NRXN3: variants seen among roughly 807,000 people sequenced by gnomAD.
NRXN3 encodes the protein neurexin III.
Under a neutral mutation model 137.6 loss-of-function variants are expected in NRXN3, and 32 were observed. The observed-to-expected ratio is 0.23, with a 90% CI of 0.18 to 0.31. The LOEUF is 0.31. Ranked by LOEUF, NRXN3 falls within the 10% of genes least tolerant of loss-of-function variation. The pLI is 1.00. For missense variants in NRXN3, 1,574 were observed against 2,062.5 expected (o/e 0.76, Z 4.59); for synonymous variants, 798 against 784.5 (o/e 1.02, Z -0.29).
chr14:79,212,196 C>T (rs1451555296), intron 15 of NRXN3, among the ~76,000 whole-genome samples: 5 of 152,178 alleles, frequency 3.3e-5, no homozygotes, highest in East Asian at 3.9e-4. Flanking sequence ...GTTTGGGCTG[C>T]GGCTTTAGTT....
At chr14:79,051,258 A>G (rs1568119114) in intron 15 of NRXN3, among the ~76,000 whole-genome samples, 1 of 152,172 alleles carries the variant, frequency 6.6e-6, no homozygotes, top group South Asian at 2.1e-4. Context: ...ATGAAAACCT[A>G]TGAGTGACTA....
intron 15 of NRXN3, among the ~76,000 whole-genome samples, chr14:79,192,765 A>ATTTTTTTTT (rs961910712): frequency 1.7e-5 from 2 of 115,300 alleles, no homozygotes; most frequent in African/African-American, 6.7e-5. Flanking sequence ...AATTCTCTTA[A>ATTTTTTTTT]TTTTTTTTTT....
At chr14:79,797,677 A>T (rs931145070) in intron 19 of NRXN3, among the ~76,000 whole-genome samples, 1 of 152,118 alleles carries the variant, frequency 6.6e-6, no homozygotes, top group African/African-American at 2.4e-5. Flanking sequence ...ATCTTACCAC[A>T]CTGTGAGGTT....
chr14:79,851,968 C>A (rs2141739006), intron 20 of NRXN3, among the ~76,000 whole-genome samples: 1 of 144,070 alleles, frequency 6.9e-6, no homozygotes, highest in South Asian at 2.3e-4. Context: ...AGGGGTTTTG[C>A]CATTCTTACA....
chr14:79,843,299 A>G (rs1435460120), intron 20 of NRXN3, among the ~76,000 whole-genome samples: 1 of 152,190 alleles, frequency 6.6e-6, no homozygotes, highest in Non-Finnish European at 1.5e-5. Flanking sequence ...AAACAGCACT[A>G]TATCTTTTAA....
chr14:78,238,698 C>A (rs2066675663), intron 1 of NRXN3, among the ~76,000 whole-genome samples: 1 of 152,226 alleles, frequency 6.6e-6, no homozygotes, highest in African/African-American at 2.4e-5. Flanking sequence ...GTGATGTTAT[C>A]ACTTCTGAAA....
chr14:78,989,167 A>C (rs565243745), intron 15 of NRXN3, among the ~76,000 whole-genome samples: 1 of 152,314 alleles, frequency 6.6e-6, no homozygotes, highest in Admixed American at 6.5e-5. Flanking sequence ...ATCCAGACTC[A>C]TTTGACCTCT....
intron 15 of NRXN3, among the ~76,000 whole-genome samples, chr14:79,257,987 CTT>C (rs1286748386): frequency 2.0e-5 from 3 of 151,892 alleles, no homozygotes; most frequent in African/African-American, 7.3e-5. Flanking sequence ...TTTGTTATCT[CTT>C]TGAATCCCAG....
At chr14:78,495,641 T>A (rs1010459293) in intron 4 of NRXN3, among the ~76,000 whole-genome samples, 7 of 152,184 alleles carry the variant, frequency 4.6e-5, no homozygotes, top group Non-Finnish European at 8.8e-5. Flanking sequence ...AACTCTTGAT[T>A]TCTTATATTA....
At chr14:78,521,080 C>G (rs1269038860) in intron 4 of NRXN3, among the ~76,000 whole-genome samples, 2 of 152,134 alleles carry the variant, frequency 1.3e-5, no homozygotes, top group Non-Finnish European at 2.9e-5. Flanking sequence ...AAATACATAG[C>G]AATCAATGTA....
chr14:78,575,575 G>C (rs1337653701), intron 4 of NRXN3, among the ~76,000 whole-genome samples: 3 of 152,122 alleles, frequency 2.0e-5, no homozygotes, highest in African/African-American at 7.2e-5. Context: ...GTATGTTGTA[G>C]AATTATTTTA....
At chr14:79,737,698 C>T (rs1220286846) in intron 19 of NRXN3, among the ~76,000 whole-genome samples, 1 of 151,508 alleles carries the variant, frequency 6.6e-6, no homozygotes, top group South Asian at 2.1e-4. Flanking sequence ...ATCCATATGT[C>T]ACATCATGGT....
At chr14:78,390,956 C>T (rs1598144937) in intron 4 of NRXN3, among the ~76,000 whole-genome samples, 1 of 152,240 alleles carries the variant, frequency 6.6e-6, no homozygotes, top group African/African-American at 2.4e-5. Flanking sequence ...CGACAGGCCC[C>T]AGTGAGTGTT....
chr14:78,881,155 G>A (rs11846975), intron 10 of NRXN3, among the ~76,000 whole-genome samples: 3,519 of 151,708 alleles, frequency 0.023, 258 homozygotes, highest in African/African-American at 0.081. Context: ...CCCCAGTCAT[G>A]TGAAACTGTA....
intron 19 of NRXN3, among the ~76,000 whole-genome samples, chr14:79,753,291 T>A (rs2099005282): frequency 6.6e-6 from 1 of 151,854 alleles, no homozygotes; most frequent in South Asian, 2.1e-4. Flanking sequence ...TGCGGCACTA[T>A]TCACAATAGC....
intron 8 of NRXN3, among the ~76,000 whole-genome samples, chr14:78,791,667 T>A (rs904018206): frequency 7.9e-5 from 12 of 152,098 alleles, no homozygotes; most frequent in Admixed American, 2.0e-4. Flanking sequence ...AAAAGAAAAG[T>A]CACCAGGAGC....
chr14:79,135,203 T>C (rs1302784112), intron 15 of NRXN3, among the ~76,000 whole-genome samples: 2 of 152,204 alleles, frequency 1.3e-5, no homozygotes, highest in Admixed American at 1.3e-4. Flanking sequence ...GTATGTGGCA[T>C]GATGGTGTGT....
chr14:78,364,857 C>G (rs899169762), intron 4 of NRXN3, among the ~76,000 whole-genome samples: 4 of 152,186 alleles, frequency 2.6e-5, no homozygotes, highest in African/African-American at 9.6e-5. Flanking sequence ...GATTTGAGTT[C>G]TTTGTCCAGC....
intron 8 of NRXN3, among the ~76,000 whole-genome samples, chr14:78,782,001 TA>T (rs2153031034): frequency 6.6e-6 from 1 of 152,336 alleles, no homozygotes; most frequent in South Asian, 2.1e-4. Flanking sequence ...AACCTCTCCT[TA>T]AGCAGTTACA....
Sources: allele counts gnomAD v4.1 joint callset (sites outside exome capture counted in the v4.1 genomes callset), GRCh38; gene constraint gnomAD v4.1.1; transcripts MANE v1.5; gene names NCBI Gene and HGNC (gene_info 2026-07-23, HGNC 2026-07-21).